Variants in ZNF507 observed in about 807,000 individuals in gnomAD.
The protein encoded by ZNF507 is zinc finger protein 507.
A neutral mutation model predicts 80.0 loss-of-function variants in ZNF507; 29 were observed. The observed-to-expected ratio is 0.36, with a 90% confidence interval of 0.27 to 0.49. ZNF507 has a LOEUF of 0.49. ZNF507 is among the 20% of genes least tolerant of loss of function. The pLI is 0.98. For missense variants in ZNF507, 1,081 were observed against 1,152.2 expected, an observed-to-expected ratio of 0.94 and a Z score of 0.90; for synonymous variants, 462 against 422.5, an observed-to-expected ratio of 1.09 and a Z score of -1.15.
At position 32,375,900 on chromosome 19, in the gene ZNF507, G is replaced by A. The variant is rs7250145; in HGVS notation, c.2361-6567G>A. Among the ~76,000 whole-genome samples, 352 of 152,234 alleles carry A rather than the reference G, an allele frequency of 2.3e-3. 3 individuals carry two copies. Among genetic ancestry groups the A allele is most frequent in the African/African-American group, 8.3e-3 (345 of 41,532 alleles). ...TAATACTGAACTGTCTGTATTCCTA[G>A]AATAAGCCTCCCCTAAAAGAATGAG... On this transcript the variant is annotated intron_variant, in intron 5 of 6. Coordinates refer to ENST00000355898, the MANE Select transcript of ZNF507 (RefSeq NM_001136156.2).
chr19:32,374,158 G>T lies in ZNF507; in HGVS notation c.2361-8309G>T, dbSNP rs57382133. ...TGAAATTCATGCAGCTCGGAACCGT[G>T]CAAAGCAAGGAACACACACACACAC... On this transcript the variant is annotated intron_variant, in intron 5 of 6. Transcript: ENST00000355898. 8.1e-3 allele frequency among the ~76,000 whole-genome samples: 838 copies of T among 104,084 alleles called. 11 individuals carry two copies. The highest frequency in any genetic ancestry group is 0.034 in the African/African-American group (785 of 23,192). 68.3% of individuals were successfully genotyped at this position (104,084 alleles called of 152,430 possible).
rs112618502 is a variant in ZNF507 at position 32,360,916 on chromosome 19, C to A, written c.2360+298C>A. Among the ~76,000 whole-genome samples, 400 of 152,172 alleles carry A rather than the reference C, an allele frequency of 2.6e-3. 3 individuals are homozygous for A. The highest frequency in any genetic ancestry group is 8.9e-3 in the African/African-American group (369 of 41,500). ...CCTCCCAAAGTGCTGGGATTGCAGG[C>A]GTGAGCCACTGCACCTGGCTGGTAT... On this transcript the variant is annotated intron_variant, in intron 5 of 6. Coordinates refer to ENST00000355898, the MANE Select transcript of ZNF507 (RefSeq NM_001136156.2).
chr19:32,350,861 A>G (rs2145313273), intron 2 of ZNF507, among the ~76,000 whole-genome samples: 1 of 152,348 alleles, frequency 6.6e-6, no homozygotes, highest in African/African-American at 2.4e-5. Context: ...CCTTAAGTTA[A>G]TCACCTTAAA....
intron 5 of ZNF507, among the ~76,000 whole-genome samples, chr19:32,377,788 A>C (rs1967570935): frequency 6.6e-6 from 1 of 152,004 alleles, no homozygotes; most frequent in African/African-American, 2.4e-5. Flanking sequence ...GCACCCAGTG[A>C]CCCCCTTCCC....
Position 32,387,633 on chromosome 19 carries a change from AATG to A in ZNF507, c.*4553_*4555del, listed in dbSNP as rs940595653. On this transcript the variant is annotated 3_prime_UTR_variant, in exon 7 of 7. Transcript: ENST00000355898. ...GTTTTTTATATTGATTACATGTTGA[AATG>A]ATATTTTGGTTTAAATAAAATATTA... 2 of 152,232 alleles carry A rather than the reference AATG, an allele frequency of 1.3e-5. No individual in the cohort carries two copies. The highest frequency in any genetic ancestry group is 2.9e-5 in the Non-Finnish European group (2 of 68,044). 9.4% of individuals were successfully genotyped at this position (152,232 alleles called of 1,614,324 possible). A position where few individuals can be genotyped will look rare whatever the true frequency, so the allele number is the denominator to read the frequency against.
At position 32,353,575 on chromosome 19, in the gene ZNF507, C is replaced by A; in HGVS notation, c.745C>A (p.Arg249=). The A allele has an allele frequency of 6.2e-7, 1 of 1,614,118 alleles. No homozygotes were observed. The highest frequency in any genetic ancestry group is 8.5e-7 in the Non-Finnish European group (1 of 1,180,032). The change falls in exon 3 of 7, where the codon CGA becomes AGA. Residue 249 remains arginine (R), a synonymous_variant. Transcript: ENST00000355898. ...TGCATACGAACAGTACGGCATGTAT[C>A]GATGCTTGTTTTGTAGTTATACTTG... ...WYAYEQYGMY[R]CLFCSYTCGQ... is the part of the protein sequence containing the mutation.
chr19:32,368,817 G>A (rs1400473057), intron 5 of ZNF507, among the ~76,000 whole-genome samples: 2 of 152,110 alleles, frequency 1.3e-5, no homozygotes, highest in African/African-American at 4.8e-5. Context: ...ATGAATTGAA[G>A]GTCATAAGAT....
In ZNF507 at chr19:32,384,261, G is replaced by T. The variant is rs912081187; in HGVS notation, c.*1178G>T. The stretch of plus-strand genomic sequence containing the variant: ...TGGAAATTCTATTTTGTTAGAGTGC[G>T]ATAGGACATATGGAAAACCAACACA... On this transcript the variant is annotated 3_prime_UTR_variant, in exon 7 of 7. Coordinates refer to ENST00000355898, the MANE Select transcript of ZNF507 (RefSeq NM_001136156.2). 4 of 152,136 alleles carry T rather than the reference G, an allele frequency of 2.6e-5. No homozygotes were observed. The highest frequency in any genetic ancestry group is 9.7e-5 in the African/African-American group (4 of 41,422). The allele number at this position is 152,136 out of a possible 1,614,324, so 9.4% of individuals were successfully genotyped here.
intron 5 of ZNF507, among the ~76,000 whole-genome samples, chr19:32,362,205 C>G (rs1164360672): frequency 6.6e-6 from 1 of 152,098 alleles, no homozygotes. Flanking sequence ...ATAGGTGGGA[C>G]TGAGTATATT....
chr19:32,365,936 G>C (rs568431524), intron 5 of ZNF507, among the ~76,000 whole-genome samples: 3 of 152,226 alleles, frequency 2.0e-5, no homozygotes, highest in African/African-American at 7.2e-5. Flanking sequence ...TATAAAATGG[G>C]TCTGATTCTA....
chr19:32,356,717 A>G lies in ZNF507; in HGVS notation c.2229A>G (p.Gly743=). Residue 743 remains glycine, a synonymous_variant, in exon 4 of 7, where the codon GGA becomes GGG. Coordinates refer to ENST00000355898, the MANE Select transcript of ZNF507 (RefSeq NM_001136156.2). ...EPRISSDTAD[G]KCVQEGNKSS... ...GAATTTCCAGTGATACAGCTGATGGAAAATGTGTCCAGGAAGGTATCTATG... is the reference window on the plus strand; with the variant it reads ...GAATTTCCAGTGATACAGCTGATGGGAAATGTGTCCAGGAAGGTATCTATG... 1 of 1,613,200 alleles carries G rather than the reference A, an allele frequency of 6.2e-7. No individual in the cohort carries two copies.
At position 32,384,870 on chromosome 19, in the gene ZNF507, A is replaced by G. The variant is rs1344561345; in HGVS notation, c.*1787A>G. 2 of 152,156 alleles carry G rather than the reference A, an allele frequency of 1.3e-5. No individual in the cohort carries two copies. Among genetic ancestry groups the G allele is most frequent in the East Asian group, 3.8e-4 (2 of 5,198 alleles). 9.4% of individuals were successfully genotyped at this position (152,156 alleles called of 1,614,324 possible). On this transcript the variant is annotated 3_prime_UTR_variant, in exon 7 of 7. Coordinates refer to ENST00000355898, the MANE Select transcript of ZNF507 (RefSeq NM_001136156.2). ...AATATGAAATGGATTTATATATACT[A>G]TATTCCTCAAATCCACTGTATGTGG...
chr19:32,378,512 A>G (rs955701175), intron 5 of ZNF507, among the ~76,000 whole-genome samples: 2 of 152,142 alleles, frequency 1.3e-5, no homozygotes, highest in African/African-American at 4.8e-5. Context: ...TCAGTTAATA[A>G]TGATGTAAGG....
At chr19:32,370,495 A>G (rs906260548) in intron 5 of ZNF507, among the ~76,000 whole-genome samples, 2 of 152,184 alleles carry the variant, frequency 1.3e-5, no homozygotes. Context: ...AGTGATGTTG[A>G]GCACGTTTTC....
rs769996410 is a variant in ZNF507, at chr19:32,382,943, G to A, written c.2722G>A (p.Val908Ile). The A allele has an allele frequency of 1.2e-5, 20 of 1,613,934 alleles. No homozygotes were observed. Among genetic ancestry groups the A allele is most frequent in the South Asian group, 7.7e-5 (7 of 91,076 alleles). ...GGCCCCTCCTAGCATGGAGTACTGC[G>A]TTTTACTCTTCTGCTGTTGTATTTG... ...SLAPPSMEYC[V>I]LLFCCCICGF... Residue 908 changes from valine to isoleucine, a missense_variant, in exon 7 of 7, where the codon GTT (valine) becomes ATT (isoleucine). By Grantham distance (29) the Val-to-Ile change is conservative. Around this residue, in one of 6 missense-constraint regions of ZNF507, gnomAD observed 138 missense variants for 158.4 expected, o/e 0.87. Transcript: ENST00000355898.
chr19:32,364,762 G>A (rs1169497646), intron 5 of ZNF507, among the ~76,000 whole-genome samples: 2 of 152,128 alleles, frequency 1.3e-5, no homozygotes, highest in African/African-American at 4.8e-5. Flanking sequence ...TTGGTTCCAC[G>A]ATTTTGCTAT....
In ZNF507 at chr19:32,353,779, C is replaced by G. The variant is rs1278625842; in HGVS notation, c.949C>G (p.His317Asp). ...IAIGESELSI[H>D]NGPSVQVQIC... ...TATTGGAGAGAGTGAACTGAGTATCCACAATGGGCCATCAGTGCAAGTGCA... is the reference window on the plus strand; with the variant it reads ...TATTGGAGAGAGTGAACTGAGTATCGACAATGGGCCATCAGTGCAAGTGCA... The change falls in exon 3 of 7, where the codon CAC becomes GAC. Residue 317 changes from histidine (H) to aspartate (D), a missense_variant. Coordinates refer to ENST00000355898, the MANE Select transcript of ZNF507 (RefSeq NM_001136156.2). 6.2e-7 allele frequency: 1 copy of G among 1,614,174 alleles called. No individual in the cohort carries two copies. Among genetic ancestry groups the G allele is most frequent in the South Asian group, 1.1e-5 (1 of 91,084 alleles).
At position 32,382,734 on chromosome 19, in the gene ZNF507, C is replaced by T. The variant is rs113222945; in HGVS notation, c.2513C>T (p.Pro838Leu). The T allele has an allele frequency of 3.8e-5, 61 of 1,612,564 alleles. No homozygotes were observed. In the African/African-American group the frequency reaches 5.2e-4, roughly 14 times the overall value. The change falls in exon 7 of 7, where the codon CCT becomes CTT. Residue 838 changes from proline to leucine, a missense_variant. Transcript: ENST00000355898. ...TTTTTAAGAGTTCTGGGGAAATCCC[C>T]TGGAAAGACTCAATTAAAGAGCAGT... ...SQSGRVLGKSPGKTQLKSSEE... is the reference protein window; with the variant it reads ...SQSGRVLGKSLGKTQLKSSEE...
intron 5 of ZNF507, among the ~76,000 whole-genome samples, chr19:32,370,669 T>G (rs958568986): frequency 2.0e-5 from 3 of 152,244 alleles, no homozygotes; most frequent in African/African-American, 7.2e-5. Context: ...ATATTTTTTT[T>G]GCAGTCTTTA....
Sources: gnomAD v4.1 joint callset for allele counts (sites outside exome capture counted in the v4.1 genomes callset) on GRCh38, gnomAD v4.1.1 for gene constraint, gnomAD v4.1.1 regional missense constraint, MANE v1.5 for transcripts, NCBI Gene and HGNC (gene_info 2026-07-23, HGNC 2026-07-21) for gene names.